PRKAG2: variants seen among roughly 807,000 people sequenced by gnomAD.
PRKAG2 encodes the protein 5'-AMP-activated protein kinase subunit gamma-2.
Under a neutral mutation model 69.6 loss-of-function variants are expected in PRKAG2, and 26 were observed. That is an observed-to-expected ratio of 0.37 (90% CI 0.27 to 0.52). The LOEUF (loss-of-function observed/expected upper bound fraction) is 0.52. Among genes scored for constraint, PRKAG2 ranks in the 20% least tolerant of loss-of-function variants. The pLI is 0.90. For synonymous variants in PRKAG2, 293 were observed against 285.0 expected (o/e 1.03, Z -0.28); for missense variants, 557 against 740.0 (o/e 0.75, Z 2.87).
intron 5 of PRKAG2, among the ~76,000 whole-genome samples, chr7:151,601,244 G>T (rs1331752060): frequency 6.6e-6 from 1 of 152,086 alleles, no homozygotes; most frequent in African/African-American, 2.4e-5. Context: ...ACCTGGAAAG[G>T]GTAAGGAAAT....
At chr7:151,619,375 C>T (rs372167520) in intron 5 of PRKAG2, among the ~76,000 whole-genome samples, 16 of 152,126 alleles carry the variant, frequency 1.1e-4, no homozygotes, top group African/African-American at 3.6e-4. Flanking sequence ...AACGTAAAAT[C>T]CCAAATGCTC....
rs945368774 is a variant in PRKAG2, at chr7:151,756,457, G to A, written c.466+24695C>T. On this transcript the variant is annotated intron_variant, in intron 3 of 15. Coordinates refer to ENST00000287878, the MANE Select transcript of PRKAG2 (RefSeq NM_016203.4). The surrounding 1 kb of genome is among the most constrained non-coding windows in gnomAD (Gnocchi z 4.9). ...CAGGCACACGCAACGACTCAGTGGT[G>A]CCTCCAGGCGAGCGGGTACCTGCGC... Among the ~76,000 whole-genome samples, 1 of 152,228 alleles carries A rather than the reference G, an allele frequency of 6.6e-6. No homozygotes were observed. The highest frequency in any genetic ancestry group is 2.4e-5 in the African/African-American group (1 of 41,470).
In PRKAG2 at chr7:151,876,846, ATCAG is replaced by A; in HGVS notation, c.-230_-227del. 2 of 599,798 alleles carry A rather than the reference ATCAG, an allele frequency of 3.3e-6. No homozygotes were observed. Among genetic ancestry groups the A allele is most frequent in the Non-Finnish European group, 6.0e-6 (2 of 335,576 alleles). The allele number at this position is 599,798 out of a possible 1,614,324, so 37.2% of individuals were successfully genotyped here. A position where few individuals can be genotyped will look rare whatever the true frequency, so the allele number is the denominator to read the frequency against. On this transcript the variant is annotated 5_prime_UTR_variant, in exon 1 of 16. Coordinates refer to ENST00000287878, the MANE Select transcript of PRKAG2 (RefSeq NM_016203.4). The stretch of plus-strand genomic sequence containing the variant: ...TTTCCTACGGAACCCTCGTAGGCAA[ATCAG>A]TCAAAGCCCGTCCCGGTTCTGGTGT...
intron 3 of PRKAG2, among the ~76,000 whole-genome samples, chr7:151,684,264 C>T (rs1834334908): frequency 6.6e-6 from 1 of 152,204 alleles, no homozygotes; most frequent in South Asian, 2.1e-4. Flanking sequence ...TGGGAAAAGC[C>T]CCTTCAGAAC....
In PRKAG2 at chr7:151,799,388, T is replaced by C. The variant is rs192297882; in HGVS notation, c.115-12847A>G. On this transcript the variant is annotated intron_variant, in intron 1 of 15. Coordinates refer to ENST00000287878, the MANE Select transcript of PRKAG2 (RefSeq NM_016203.4). ...GCTGGTAACAGTAACTCTTACAGGA[T>C]TGCAACGGGCTGGCCATCCCTCGCA... Among the ~76,000 whole-genome samples, 220 of 152,328 alleles carry C rather than the reference T, an allele frequency of 1.4e-3. 1 individual carries two copies. Among genetic ancestry groups the C allele is most frequent in the Middle Eastern group, 6.8e-3 (2 of 294 alleles).
intron 5 of PRKAG2, among the ~76,000 whole-genome samples, chr7:151,603,639 C>T (rs1225369836): frequency 6.6e-6 from 1 of 152,074 alleles, no homozygotes; most frequent in East Asian, 1.9e-4. Context: ...GGACCCGCTC[C>T]GTCCTCATCA....
chr7:151,789,001 G>A (rs1358829795), intron 1 of PRKAG2, among the ~76,000 whole-genome samples: 1 of 152,030 alleles, frequency 6.6e-6, no homozygotes. Flanking sequence ...CATTCCATTG[G>A]TCTATATGTC....
chr7:151,827,774 A>AAAAAC (rs1563733994), intron 1 of PRKAG2, among the ~76,000 whole-genome samples: 2 of 147,428 alleles, frequency 1.4e-5, no homozygotes, highest in Non-Finnish European at 3.0e-5. Context: ...AAAAAAAAAA[A>AAAAAC]CTGCCTTGCT....
intron 7 of PRKAG2, 26 bp from the exon 8 acceptor site, chr7:151,574,975 A>T (rs754091836): frequency 5.6e-6 from 9 of 1,611,378 alleles, no homozygotes; most frequent in Non-Finnish European, 6.8e-6. Flanking sequence ...ACATGTTACA[A>T]ATAAAACCAT....
chr7:151,577,961 T>C (rs980944417), intron 6 of PRKAG2, among the ~76,000 whole-genome samples: 8 of 150,308 alleles, frequency 5.3e-5, no homozygotes, highest in Non-Finnish European at 8.9e-5. Context: ...AATGTTTCTT[T>C]AAAAAAAGTG....
intron 4 of PRKAG2, among the ~76,000 whole-genome samples, chr7:151,639,218 C>G (rs1235817243): frequency 6.6e-6 from 1 of 152,200 alleles, no homozygotes; most frequent in African/African-American, 2.4e-5. Flanking sequence ...GTCTTGGTTT[C>G]TTTTGAGACA....
chr7:151,558,649 G>C lies in PRKAG2; in HGVS notation c.1679-1417C>G, dbSNP rs902561658. 1.8e-5 allele frequency: 18 copies of C among 977,308 alleles called. No individual in the cohort carries two copies. In the African/African-American group the frequency reaches 2.3e-4, roughly 12 times the overall value. 60.5% of individuals were successfully genotyped at this position (977,308 alleles called of 1,614,324 possible). On this transcript the variant is annotated intron_variant, in intron 15 of 15. Coordinates refer to ENST00000287878, the MANE Select transcript of PRKAG2 (RefSeq NM_016203.4). ...TTGTAATCCAGTTATTAGTAACACGGAATGTTTTCCTCAACAAATCGTGTT... is the reference window on the plus strand; with the variant it reads ...TTGTAATCCAGTTATTAGTAACACGCAATGTTTTCCTCAACAAATCGTGTT...
At chr7:151,865,735 A>G (rs1267214903) in intron 1 of PRKAG2, among the ~76,000 whole-genome samples, 1 of 152,230 alleles carries the variant, frequency 6.6e-6, no homozygotes, top group East Asian at 1.9e-4. Flanking sequence ...AAAGTGGAGA[A>G]GAGGCCGGGC....
At position 151,876,738 on chromosome 7, in the gene PRKAG2, C is replaced by A; in HGVS notation, c.-118G>T. The A allele has an allele frequency of 1.0e-6, 1 of 976,238 alleles. No individual in the cohort carries two copies. The highest frequency in any genetic ancestry group is 1.6e-6 in the Non-Finnish European group (1 of 634,970). The allele number at this position is 976,238 out of a possible 1,614,324, so 60.5% of individuals were successfully genotyped here. A position where few individuals can be genotyped will look rare whatever the true frequency, so the allele number is the denominator to read the frequency against. On this transcript the variant is annotated 5_prime_UTR_variant, in exon 1 of 16. Coordinates refer to ENST00000287878, the MANE Select transcript of PRKAG2 (RefSeq NM_016203.4). ...GCTCTGTTACACCCTGAAGCCACCT[C>A]GTGGGGACTTCCGCGGAGAGGGAGG... is the stretch of plus-strand genomic sequence containing the variant.
chr7:151,569,387 A>G (rs1054337047), intron 10 of PRKAG2, among the ~76,000 whole-genome samples: 3 of 152,264 alleles, frequency 2.0e-5, no homozygotes, highest in African/African-American at 7.2e-5. Flanking sequence ...TTGAAAGACG[A>G]TGAAACCTAA....
chr7:151,558,648 G>A (rs957569924), intron 15 of PRKAG2: 1 of 976,512 alleles, frequency 1.0e-6, no homozygotes, highest in East Asian at 1.1e-4. Context: ...TTAGTAACAC[G>A]GAATGTTTTC....
intron 1 of PRKAG2, among the ~76,000 whole-genome samples, chr7:151,862,077 C>T (rs768648708): frequency 6.6e-6 from 1 of 151,890 alleles, no homozygotes; most frequent in Non-Finnish European, 1.5e-5. Context: ...GGATGAGGCC[C>T]GAGGCACTGG....
Position 151,869,450 on chromosome 7 carries a change from T to C in PRKAG2, c.114+7057A>G, listed in dbSNP as rs150327381. 9.8e-4 allele frequency among the ~76,000 whole-genome samples: 149 copies of C among 152,322 alleles called. 1 individual carries two copies. The East Asian group carries it at 0.027, about 27-fold the overall frequency. On this transcript the variant is annotated intron_variant, in intron 1 of 15. Coordinates refer to ENST00000287878, the MANE Select transcript of PRKAG2 (RefSeq NM_016203.4). ...AACCCTGTCATCTACCATGTAATGA[T>C]GAACAGGCTTTTTCTCAGCTGGGCA...
At chr7:151,705,909 T>C (rs1423580770) in intron 3 of PRKAG2, among the ~76,000 whole-genome samples, 2 of 151,726 alleles carry the variant, frequency 1.3e-5, no homozygotes, top group East Asian at 3.9e-4. Flanking sequence ...TGATTTCACA[T>C]CCCCCCGCCC....
Sources: gnomAD v4.1 joint callset for allele counts (sites outside exome capture counted in the v4.1 genomes callset) on GRCh38, gnomAD v4.1.1 for gene constraint, Gnocchi (gnomAD v3.1) non-coding constraint, MANE v1.5 for transcripts, NCBI Gene and HGNC (gene_info 2026-07-23, HGNC 2026-07-21) for gene names.